The following NUMA1 variants were observed in gnomAD, a reference collection of about 807,000 sequenced individuals.
The protein encoded by NUMA1 is nuclear mitotic apparatus protein 1, also known as SP-H antigen.
Under a neutral mutation model 237.1 loss-of-function variants are expected in NUMA1, and 62 were observed. The observed-to-expected ratio is 0.26, with a 90% CI of 0.21 to 0.32. The LOEUF is 0.32. Ranked by LOEUF, NUMA1 falls within the 10% of genes least tolerant of loss-of-function variation. The pLI is 1.00. For synonymous variants in NUMA1, 1,028 were observed against 1,066.1 expected (o/e 0.96, Z 0.70); for missense variants, 2,533 against 2,666.5 (o/e 0.95, Z 1.10).
chr11:72,025,666 GC>G (rs1939486898), intron 4 of NUMA1, among the ~76,000 whole-genome samples: 1 of 152,152 alleles, frequency 6.6e-6, no homozygotes, highest in African/African-American at 2.4e-5. Flanking sequence ...GGAGGGCAGG[GC>G]AGGCCCAGAA....
At chr11:72,004,192 C>A (rs1238372348) in intron 25 of NUMA1, 33 bp downstream of exon 25, 3 of 1,603,558 alleles carry the variant, frequency 1.9e-6, no homozygotes, top group Non-Finnish European at 2.6e-6. Context: ...CCCGCCAGGG[C>A]GTCGCTTCAT....
At chr11:72,045,011 T>C (rs925589871) in intron 2 of NUMA1, among the ~76,000 whole-genome samples, 6 of 152,124 alleles carry the variant, frequency 3.9e-5, no homozygotes, top group South Asian at 2.1e-4. Flanking sequence ...ATAAGAAAAA[T>C]GTAACTACCT....
chr11:72,034,289 G>A (rs1039679268), intron 3 of NUMA1, among the ~76,000 whole-genome samples: 1 of 152,038 alleles, frequency 6.6e-6, no homozygotes, highest in Non-Finnish European at 1.5e-5. Flanking sequence ...GTGGGTACTT[G>A]TGCACACTAT....
At position 72,007,244 on chromosome 11, in the gene NUMA1, T is replaced by C; in HGVS notation, c.5408A>G (p.Lys1803Arg). 6.2e-7 allele frequency: 1 copy of C among 1,612,830 alleles called. No homozygotes were observed. The highest frequency in any genetic ancestry group is 8.5e-7 in the Non-Finnish European group (1 of 1,179,786). Reference sequence around the variant, plus strand: ...GGTGCGCCGACGAGCGGAGCGGGTCTTACGACCCGAGTCCAGGAAGACGTC... The same window carrying C: ...GGTGCGCCGACGAGCGGAGCGGGTCCTACGACCCGAGTCCAGGAAGACGTC... ...LGDVFLDSGR[K>R]TRSARRRTTQ... The change falls in exon 21 of 27, where the codon AAG (lysine) becomes AGG (arginine). Residue 1803 changes from lysine to arginine, a missense_variant. Coordinates refer to ENST00000393695, the MANE Select transcript of NUMA1 (RefSeq NM_006185.4).
At chr11:72,005,773 G>A (rs1053245354) in intron 22 of NUMA1, 12 of 533,448 alleles carry the variant, frequency 2.2e-5, no homozygotes, top group Middle Eastern at 4.7e-4. Context: ...AGAAGGGCAT[G>A]GAGGACTCCC....
intron 19 of NUMA1, 50 bp from the exon 20 acceptor site, chr11:72,008,895 G>T: frequency 6.2e-7 from 1 of 1,613,104 alleles, no homozygotes; most frequent in South Asian, 1.1e-5. Context: ...TAAGGCAGCA[G>T]TGGCCTAGGA....
rs149588226 is a variant in NUMA1, at chr11:72,007,367, C to T, written c.5285G>A (p.Arg1762His). 7.1e-4 allele frequency: 1,148 copies of T among 1,613,628 alleles called. 6 individuals are homozygous for T. The African/African-American group carries it at 0.014, about 20-fold the overall frequency. Residue 1762 changes from arginine to histidine, a missense_variant, in exon 21 of 27, where the codon CGC (arginine) becomes CAC (histidine). By Grantham distance (29) the Arg-to-His change is conservative (BLOSUM62 0). Around this residue, in one of 3 missense-constraint regions of NUMA1, gnomAD observed 795 missense variants for 750.8 expected, o/e 1.06. Coordinates refer to ENST00000393695, the MANE Select transcript of NUMA1 (RefSeq NM_006185.4). ...PGEPASPISQ[R>H]LPPKVESLES... ...CAGGGATTCTACCTTGGGGGGCAGG[C>T]GCTGGGAGATAGGTGAGGCTGGTTC...
At chr11:72,072,687 C>T (rs555665927) in intron 1 of NUMA1, among the ~76,000 whole-genome samples, 1 of 152,308 alleles carries the variant, frequency 6.6e-6, no homozygotes, top group African/African-American at 2.4e-5. Context: ...TTGGTTCTCT[C>T]CTCCCCTCAA....
rs1453958893 is a variant in NUMA1, at chr11:72,069,838, T to C, written c.-33+4A>G. Reference sequence around the variant, plus strand: ...ACTAGAGGGCAGAAACCATTTTGACTTACCTCCTGGTGGAAGCCTCCACAC... The same window carrying C: ...ACTAGAGGGCAGAAACCATTTTGACCTACCTCCTGGTGGAAGCCTCCACAC... On this transcript the variant is annotated splice_donor_region_variant and intron_variant, in intron 2 of 26. Coordinates refer to ENST00000393695, the MANE Select transcript of NUMA1 (RefSeq NM_006185.4). 4 of 152,162 alleles carry C rather than the reference T, an allele frequency of 2.6e-5. No individual in the cohort carries two copies. Among genetic ancestry groups the C allele is most frequent in the Non-Finnish European group, 5.9e-5 (4 of 68,064 alleles). The allele number at this position is 152,162 out of a possible 1,614,324, so 9.4% of individuals were successfully genotyped here.
rs1938445436 is a variant in NUMA1, at chr11:72,019,616, A to T, written c.462T>A (p.Ala154=). 2 of 1,612,910 alleles carry T rather than the reference A, an allele frequency of 1.2e-6. No homozygotes were observed. Among genetic ancestry groups the T allele is most frequent in the Non-Finnish European group, 1.7e-6 (2 of 1,179,362 alleles). ...NEDLENFLQK[A]PVPSTCSSTF... is the part of the protein sequence containing the mutation. ...TGCTAGAACAGGTAGAAGGCACAGG[A>T]GCTGGGGGTAAGAAATAGACAAAAT... The change falls in exon 9 of 27, where the codon GCT becomes GCA. Residue 154 remains alanine (A), a splice_region_variant and synonymous_variant. Coordinates refer to ENST00000393695, the MANE Select transcript of NUMA1 (RefSeq NM_006185.4).
chr11:72,051,197 C>CT (rs1942342359), intron 2 of NUMA1, among the ~76,000 whole-genome samples: 1 of 152,088 alleles, frequency 6.6e-6, no homozygotes, highest in Non-Finnish European at 1.5e-5. Flanking sequence ...CCTATCCACA[C>CT]TTTTAAAGAT....
At chr11:72,076,943 G>A (rs1031198929) in intron 1 of NUMA1, among the ~76,000 whole-genome samples, 7 of 151,960 alleles carry the variant, frequency 4.6e-5, no homozygotes, top group Non-Finnish European at 1.0e-4. Flanking sequence ...ACAAGATCAC[G>A]AAAAACAAGC....
At chr11:72,058,663 C>T (rs1942790487) in intron 2 of NUMA1, among the ~76,000 whole-genome samples, 1 of 152,226 alleles carries the variant, frequency 6.6e-6, no homozygotes, top group Admixed American at 6.5e-5. Flanking sequence ...ACCTCCCTTG[C>T]TCAGAGAATC....
intron 2 of NUMA1, among the ~76,000 whole-genome samples, chr11:72,056,662 G>GAAAAA (rs1942671179): frequency 2.0e-5 from 1 of 51,028 alleles, no homozygotes; most frequent in African/African-American, 7.5e-5. Context: ...AAAAAAAAAG[G>GAAAAA]CAAGCCAAAC....
chr11:72,021,668 C>T (rs1380323296), intron 7 of NUMA1, among the ~76,000 whole-genome samples: 1 of 152,242 alleles, frequency 6.6e-6, no homozygotes, highest in Non-Finnish European at 1.5e-5. Context: ...AGTACAGTGG[C>T]ACAATCATAG....
chr11:72,016,617 G>A, intron 13 of NUMA1, 87 bp from the exon 14 acceptor site: 1 of 1,491,560 alleles, frequency 6.7e-7, no homozygotes, highest in Non-Finnish European at 9.1e-7. Context: ...AGCAAACATG[G>A]GGCCCATCAT....
rs377573232 is a variant in NUMA1, at chr11:72,004,632, G to A, written c.6006+8C>T. On this transcript the variant is annotated splice_region_variant and intron_variant, in intron 24 of 26. Transcript: ENST00000393695. Reference sequence around the variant, plus strand: ...GCTGGAGTAACACCCAGGAGCCACCGCGCCTACCTCAGGAGTTCCAGGGCC... The same window carrying A: ...GCTGGAGTAACACCCAGGAGCCACCACGCCTACCTCAGGAGTTCCAGGGCC... 3.2e-5 allele frequency: 51 copies of A among 1,611,026 alleles called. No homozygotes were observed. The highest frequency in any genetic ancestry group is 2.7e-4 in the East Asian group (12 of 44,862).
In NUMA1 at chr11:72,013,065, A is replaced by C; in HGVS notation, c.4438T>G (p.Leu1480Val). The C allele has an allele frequency of 1.2e-6, 2 of 1,613,166 alleles. No homozygotes were observed. Among genetic ancestry groups the C allele is most frequent in the Non-Finnish European group, 1.7e-6 (2 of 1,179,772 alleles). ...TCAGCATCAGCACGTACGGCTGCCA[A>C]CTCTTGGACATACTTCTCCCGGGCC... is the stretch of plus-strand genomic sequence containing the variant. Reference protein sequence around the residue: ...DQAREKYVQELAAVRADAETR... With the variant: ...DQAREKYVQEVAAVRADAETR... The change falls in exon 15 of 27, where the codon TTG becomes GTG. Residue 1480 changes from leucine to valine, a missense_variant. Around this residue, in one of 3 missense-constraint regions of NUMA1, gnomAD observed 324 missense variants for 407.6 expected, o/e 0.79. Coordinates refer to ENST00000393695, the MANE Select transcript of NUMA1 (RefSeq NM_006185.4). This position sits in a 1 kb window ranked among gnomAD's most constrained non-coding sequence, Gnocchi z 6.8.
chr11:72,044,899 C>T (rs1019140165), intron 2 of NUMA1, among the ~76,000 whole-genome samples: 4 of 152,106 alleles, frequency 2.6e-5, no homozygotes, highest in Non-Finnish European at 5.9e-5. Flanking sequence ...AACTCCTGAC[C>T]TCGTGATCCG....
Sources: allele counts gnomAD v4.1 joint callset (sites outside exome capture counted in the v4.1 genomes callset), GRCh38; gene constraint gnomAD v4.1.1; regional missense constraint gnomAD v4.1.1; non-coding constraint Gnocchi (gnomAD v3.1); transcripts MANE v1.5; gene names NCBI Gene and HGNC (gene_info 2026-07-23, HGNC 2026-07-21).